SBF2: variants seen among roughly 807,000 people sequenced by gnomAD.
SBF2 encodes SET binding factor 2, also known as myotubularin-related protein 13.
Under a neutral mutation model 225.2 loss-of-function variants are expected in SBF2, and 112 were observed. That is an observed-to-expected ratio of 0.50 (90% CI 0.43 to 0.58). SBF2 has a LOEUF of 0.58. SBF2 is among the 20% of genes least tolerant of loss of function. The probability of loss-of-function intolerance (pLI) is 0.00; values close to 1 mark genes in which losing one functional copy is unlikely to be tolerated. For synonymous variants in SBF2, 763 were observed against 773.3 expected (o/e 0.99, Z 0.22); for missense variants, 1,996 against 2,206.2 (o/e 0.90, Z 1.91).
intron 1 of SBF2, among the ~76,000 whole-genome samples, chr11:10,200,569 G>A (rs755736117): frequency 2.6e-5 from 4 of 152,198 alleles, no homozygotes; most frequent in Non-Finnish European, 5.9e-5. Context: ...TTCTGTACCT[G>A]TACAAAAGAT....
chr11:9,910,954 G>C (rs1039616145), intron 16 of SBF2, among the ~76,000 whole-genome samples: 2 of 151,426 alleles, frequency 1.3e-5, no homozygotes, highest in Admixed American at 1.3e-4. Context: ...AGCTACTCAG[G>C]AGGCTGAGGC....
chr11:10,016,129 C>T (rs72858806), intron 6 of SBF2, among the ~76,000 whole-genome samples: 8,055 of 152,152 alleles, frequency 0.053, 298 homozygotes, highest in Middle Eastern at 0.16. Flanking sequence ...AAAAGGATAA[C>T]CGATTTACAA....
chr11:10,126,642 A>G (rs1275991804), intron 2 of SBF2, among the ~76,000 whole-genome samples: 1 of 152,142 alleles, frequency 6.6e-6, no homozygotes, highest in Admixed American at 6.5e-5. Flanking sequence ...CTGAAAAATT[A>G]AACACAAAAT....
At chr11:10,153,817 G>A (rs11042647) in intron 2 of SBF2, among the ~76,000 whole-genome samples, 4,552 of 152,132 alleles carry the variant, frequency 0.03, 280 homozygotes, top group East Asian at 0.17. Flanking sequence ...TTACATTTAG[G>A]TCTATGATTT....
chr11:9,886,632 T>C (rs1381032063), intron 17 of SBF2, among the ~76,000 whole-genome samples: 2 of 151,496 alleles, frequency 1.3e-5, no homozygotes, highest in Non-Finnish European at 2.9e-5. Flanking sequence ...CGCTCTGGAG[T>C]GCAGTAGCAC....
chr11:10,021,456 CAAAA>C (rs1013532352), intron 6 of SBF2, among the ~76,000 whole-genome samples: 1 of 150,304 alleles, frequency 6.7e-6, no homozygotes, highest in African/African-American at 2.5e-5. Context: ...ACAAAAAAAA[CAAAA>C]AAACCAAAAA....
intron 2 of SBF2, among the ~76,000 whole-genome samples, chr11:10,162,267 CA>C (rs1955785655): frequency 6.6e-6 from 1 of 151,506 alleles, no homozygotes; most frequent in Admixed American, 6.6e-5. Flanking sequence ...CTGTTACAGG[CA>C]TTTAGTTGAA....
intron 2 of SBF2, among the ~76,000 whole-genome samples, chr11:10,115,370 A>G (rs1006368479): frequency 2.6e-5 from 4 of 152,224 alleles, no homozygotes; most frequent in African/African-American, 7.2e-5. Flanking sequence ...AGTTTACATA[A>G]TCCTTTAAGT....
chr11:9,841,534 CTTTT>C (rs11289335), intron 25 of SBF2, among the ~76,000 whole-genome samples: 2 of 143,076 alleles, frequency 1.4e-5, no homozygotes, highest in Non-Finnish European at 1.5e-5. Context: ...CACATAGGTT[CTTTT>C]TTTTTTTTTT....
chr11:9,951,514 T>C (rs1295654010), intron 16 of SBF2, among the ~76,000 whole-genome samples: 1 of 152,094 alleles, frequency 6.6e-6, no homozygotes, highest in Non-Finnish European at 1.5e-5. Flanking sequence ...TAGGGAGAAT[T>C]TTAGACTGAG....
intron 2 of SBF2, among the ~76,000 whole-genome samples, chr11:10,069,566 G>A (rs909076568): frequency 2.6e-5 from 4 of 152,196 alleles, no homozygotes; most frequent in South Asian, 4.1e-4. Context: ...TCATTGATGG[G>A]CATTTGGGTT....
intron 2 of SBF2, among the ~76,000 whole-genome samples, chr11:10,089,985 G>A (rs140343316): frequency 1.3e-5 from 2 of 152,286 alleles, no homozygotes; most frequent in Non-Finnish European, 2.9e-5. Flanking sequence ...AGCACACAAT[G>A]AAATTTATTT....
At chr11:10,262,899 C>T (rs1004072856) in intron 1 of SBF2, among the ~76,000 whole-genome samples, 3 of 152,028 alleles carry the variant, frequency 2.0e-5, no homozygotes, top group Non-Finnish European at 4.4e-5. Flanking sequence ...AGATTCTTTA[C>T]CTGAGGATAA....
intron 1 of SBF2, among the ~76,000 whole-genome samples, chr11:10,290,659 C>G (rs927890947): frequency 9.9e-5 from 15 of 152,076 alleles, no homozygotes; most frequent in African/African-American, 3.4e-4. Flanking sequence ...AGCCAGATTT[C>G]TCACTGTCAG....
intron 6 of SBF2, 146 bp from the exon 7 acceptor site, chr11:10,002,835 A>G: frequency 1.3e-6 from 1 of 743,020 alleles, no homozygotes; most frequent in East Asian, 2.6e-5. Context: ...ATTCCATATA[A>G]TCTATGAGTA....
At chr11:10,118,760 A>G (rs960369262) in intron 2 of SBF2, among the ~76,000 whole-genome samples, 1 of 152,100 alleles carries the variant, frequency 6.6e-6, no homozygotes, top group Admixed American at 6.5e-5. Flanking sequence ...GAGGAATTTC[A>G]AAGAAAATAA....
chr11:10,107,060 G>A (rs149725460), intron 2 of SBF2, among the ~76,000 whole-genome samples: 6 of 152,276 alleles, frequency 3.9e-5, no homozygotes, highest in Admixed American at 3.3e-4. Flanking sequence ...TCTACTTGAA[G>A]AAATGGTGTA....
intron 6 of SBF2, among the ~76,000 whole-genome samples, chr11:10,017,382 G>A (rs773933559): frequency 1.3e-5 from 2 of 152,118 alleles, no homozygotes; most frequent in Admixed American, 6.5e-5. Flanking sequence ...AACCCACAAC[G>A]GGGAAAACAG....
At chr11:10,240,871 G>C (rs1313187307) in intron 1 of SBF2, among the ~76,000 whole-genome samples, 2 of 152,058 alleles carry the variant, frequency 1.3e-5, no homozygotes, top group Non-Finnish European at 2.9e-5. Context: ...AAATATCTGG[G>C]AATTTTTATT....
Sources: gnomAD v4.1 joint callset for allele counts (sites outside exome capture counted in the v4.1 genomes callset) on GRCh38, gnomAD v4.1.1 for gene constraint, MANE v1.5 for transcripts, NCBI Gene and HGNC (gene_info 2026-07-23, HGNC 2026-07-21) for gene names.